The following CTNNBIP1 variants were observed in gnomAD, a reference collection of about 807,000 sequenced individuals.
CTNNBIP1 encodes catenin beta interacting protein 1, also known as beta-catenin-interacting protein 1.
Under a neutral mutation model 11.8 loss-of-function variants are expected in CTNNBIP1, and 7 were observed. That is an observed-to-expected ratio of 0.60 (90% confidence interval 0.34 to 1.12). The LOEUF is 1.12. Among genes scored for constraint, CTNNBIP1 ranks in the 50% most tolerant of loss-of-function variants. CTNNBIP1 has a pLI of 0.03. For synonymous variants in CTNNBIP1, 58 were observed against 43.9 expected, an observed-to-expected ratio of 1.32 and a Z score of -1.26; for missense variants, 101 against 113.4, an observed-to-expected ratio of 0.89 and a Z score of 0.50.
In CTNNBIP1 at chr1:9,849,196, TGGTGCA is replaced by T. The variant is rs978850662; in HGVS notation, c.*1516_*1521del. 8.5e-5 allele frequency: 13 copies of T among 152,428 alleles called. No individual in the cohort carries two copies. Among genetic ancestry groups the T allele is most frequent in the African/African-American group, 3.1e-4 (13 of 41,562 alleles). 9.4% of individuals were successfully genotyped at this position (152,428 alleles called of 1,614,324 possible). A position where few individuals can be genotyped will look rare whatever the true frequency, so the allele number is the denominator to read the frequency against. On this transcript the variant is annotated 3_prime_UTR_variant, in exon 6 of 6. Coordinates refer to ENST00000377263, the MANE Select transcript of CTNNBIP1 (RefSeq NM_020248.3). ...GGTGGCAGGTGGAAGGACTTAGGTT[TGGTGCA>T]GGAACACTAGACCTGCCCCTCACCC...
At chr1:9,866,203 GC>G (rs1010677898) in intron 5 of CTNNBIP1, among the ~76,000 whole-genome samples, 17 of 152,232 alleles carry the variant, frequency 1.1e-4, no homozygotes, top group African/African-American at 4.1e-4. Context: ...GGAGGGCCTG[GC>G]CCAGGTTGCA....
In CTNNBIP1 at chr1:9,850,587, TG is replaced by T; in HGVS notation, c.*130del. On this transcript the variant is annotated 3_prime_UTR_variant, in exon 6 of 6. Transcript: ENST00000377263. ...CCCACTGAGTAGCTGTGAGGTGGGGTGGGGCAGGGCAGGGTTGGGTAGGGGA... is the reference window on the plus strand; with the variant it reads ...CCCACTGAGTAGCTGTGAGGTGGGGTGGGCAGGGCAGGGTTGGGTAGGGGA... 1.6e-6 allele frequency: 1 copy of T among 629,598 alleles called. No individual in the cohort carries two copies. The highest frequency in any genetic ancestry group is 3.7e-5 in the African/African-American group (1 of 27,268). 39.0% of individuals were successfully genotyped at this position (629,598 alleles called of 1,614,324 possible).
intron 1 of CTNNBIP1, among the ~76,000 whole-genome samples, chr1:9,900,295 C>T (rs1269631677): frequency 6.6e-6 from 1 of 151,550 alleles, no homozygotes; most frequent in East Asian, 1.9e-4. Context: ...CTTGGGAGGC[C>T]GAGATGGGAG....
At chr1:9,902,049 C>G (rs1396148367) in intron 1 of CTNNBIP1, among the ~76,000 whole-genome samples, 1 of 152,146 alleles carries the variant, frequency 6.6e-6, no homozygotes, top group African/African-American at 2.4e-5. Context: ...TGACCTTGGT[C>G]TTTGAAGAGA....
Position 9,909,926 on chromosome 1 carries a change from G to A in CTNNBIP1, c.-144+169C>T, listed in dbSNP as rs539309592. ...GGTGGTCTGCGGCGAGAGGCGGCCA[G>A]GCCCAGACCAGGGCGCCGCGCCGCT... On this transcript the variant is annotated intron_variant, in intron 1 of 5. Coordinates refer to ENST00000377263, the MANE Select transcript of CTNNBIP1 (RefSeq NM_020248.3). Among the ~76,000 whole-genome samples the A allele has an allele frequency of 2.0e-5, 3 of 152,074 alleles. No homozygotes were observed. In the South Asian group the frequency reaches 6.2e-4, roughly 32 times the overall value.
intron 5 of CTNNBIP1, among the ~76,000 whole-genome samples, chr1:9,868,335 T>C (rs892806484): frequency 6.6e-6 from 1 of 152,184 alleles, no homozygotes; most frequent in African/African-American, 2.4e-5. Context: ...CAGAAGGGCC[T>C]GGACTCCACG....
In CTNNBIP1 at chr1:9,871,393, CTTCTGT is replaced by C; in HGVS notation, c.97-122_97-117del. 1.3e-6 allele frequency: 1 copy of C among 766,354 alleles called. No homozygotes were observed. Among genetic ancestry groups the C allele is most frequent in the Non-Finnish European group, 2.2e-6 (1 of 458,036 alleles). The allele number at this position is 766,354 out of a possible 1,614,324, so 47.5% of individuals were successfully genotyped here. On this transcript the variant is annotated intron_variant, in intron 4 of 5. Coordinates refer to ENST00000377263, the MANE Select transcript of CTNNBIP1 (RefSeq NM_020248.3). The surrounding 1 kb of genome is among the most constrained non-coding windows in gnomAD (Gnocchi z 5.2). ...GGTCCCTGCTTGGTCCCTGCTCGGGCTTCTGTTTCTGAGATTTGACCCCTTTGCTTT... is the reference window on the plus strand; with the variant it reads ...GGTCCCTGCTTGGTCCCTGCTCGGGCTTCTGAGATTTGACCCCTTTGCTTT...
intron 1 of CTNNBIP1, among the ~76,000 whole-genome samples, chr1:9,895,822 C>T (rs918272661): frequency 2.6e-5 from 4 of 151,872 alleles, no homozygotes; most frequent in Non-Finnish European, 5.9e-5. Flanking sequence ...AGAGATGGGA[C>T]TTGCTATGTT....
chr1:9,899,022 T>G (rs998353059), intron 1 of CTNNBIP1, among the ~76,000 whole-genome samples: 1 of 152,138 alleles, frequency 6.6e-6, no homozygotes, highest in Non-Finnish European at 1.5e-5. Flanking sequence ...GAACAGGTGG[T>G]GTTTGGTTAC....
chr1:9,878,811 C>T (rs1337837302), intron 2 of CTNNBIP1, among the ~76,000 whole-genome samples: 2 of 152,334 alleles, frequency 1.3e-5, no homozygotes, highest in South Asian at 2.1e-4. Flanking sequence ...CAGTACCTCA[C>T]ATCTCCAAGG....
rs573719153 is a variant in CTNNBIP1, at chr1:9,875,130, G to C, written c.-25+2775C>G. 8.5e-5 allele frequency among the ~76,000 whole-genome samples: 13 copies of C among 152,136 alleles called. No individual in the cohort carries two copies. In the East Asian group the frequency reaches 1.5e-3, roughly 18 times the overall value. On this transcript the variant is annotated intron_variant, in intron 3 of 5. Transcript: ENST00000377263. ...CCCAGGGCCCCAGACCACCCGGTTC[G>C]AGCCGACCAGTCCTTAGCCGACGTG...
At chr1:9,890,754 T>C (rs532836868) in intron 1 of CTNNBIP1, among the ~76,000 whole-genome samples, 1 of 152,216 alleles carries the variant, frequency 6.6e-6, no homozygotes, top group Non-Finnish European at 1.5e-5. Context: ...GGAAGCTTCC[T>C]GAGCAAAGGC....
chr1:9,900,939 C>A (rs912295921), intron 1 of CTNNBIP1, among the ~76,000 whole-genome samples: 2 of 152,194 alleles, frequency 1.3e-5, no homozygotes, highest in Non-Finnish European at 1.5e-5. Context: ...CAGGAACAGG[C>A]TCATAGGGCC....
chr1:9,908,101 C>G (rs758969772), intron 1 of CTNNBIP1, among the ~76,000 whole-genome samples: 1 of 152,246 alleles, frequency 6.6e-6, no homozygotes, highest in East Asian at 1.9e-4. Flanking sequence ...CTCTGTTGCC[C>G]AGGCTGGAGT....
intron 1 of CTNNBIP1, among the ~76,000 whole-genome samples, chr1:9,898,349 C>G: frequency 6.6e-6 from 1 of 151,834 alleles, no homozygotes; most frequent in East Asian, 1.9e-4. Context: ...CGTGGTGAAA[C>G]CCCGTCTCTG....
chr1:9,852,354 T>G (rs953646214), intron 5 of CTNNBIP1, among the ~76,000 whole-genome samples: 8 of 152,204 alleles, frequency 5.3e-5, no homozygotes, highest in African/African-American at 1.9e-4. Flanking sequence ...GAATGAGCCT[T>G]GTCACCTCCC....
rs913949462 is a variant in CTNNBIP1, at chr1:9,881,322, C to G, written c.-110+2383G>C. Among the ~76,000 whole-genome samples, 43 of 144,564 alleles carry G rather than the reference C, an allele frequency of 3.0e-4. No homozygotes were observed. In the Admixed American group the frequency reaches 3.1e-3, roughly 10 times the overall value. 94.8% of individuals were successfully genotyped at this position (144,564 alleles called of 152,430 possible). ...TACAGGCATGAGCCACCACACCCAGCCTTGAAATTTTTTTTTTTTTTTTTT... is the reference window on the plus strand; with the variant it reads ...TACAGGCATGAGCCACCACACCCAGGCTTGAAATTTTTTTTTTTTTTTTTT... On this transcript the variant is annotated intron_variant, in intron 2 of 5. Transcript: ENST00000377263.
chr1:9,908,370 CTTTTTTTTT>C (rs35640583), intron 1 of CTNNBIP1, among the ~76,000 whole-genome samples: 4 of 72,468 alleles, frequency 5.5e-5, no homozygotes, highest in Non-Finnish European at 1.1e-4. Flanking sequence ...TCCACAGATT[CTTTTTTTTT>C]TTTTTTTTTT....
chr1:9,864,414 C>T (rs1047727133), intron 5 of CTNNBIP1, among the ~76,000 whole-genome samples: 3 of 152,216 alleles, frequency 2.0e-5, no homozygotes, highest in Non-Finnish European at 4.4e-5. Flanking sequence ...CTGCAAGCTC[C>T]GCCTCCCGGG....
Sources: allele counts gnomAD v4.1 joint callset (sites outside exome capture counted in the v4.1 genomes callset), GRCh38; gene constraint gnomAD v4.1.1; non-coding constraint Gnocchi (gnomAD v3.1); transcripts MANE v1.5; gene names NCBI Gene and HGNC (gene_info 2026-07-23, HGNC 2026-07-21).